Variants in ZFYVE26 observed in about 807,000 individuals in gnomAD.
The protein encoded by ZFYVE26 is zinc finger FYVE domain-containing protein 26.
ZFYVE26 carries 181 observed loss-of-function variants against 276.5 expected under a neutral mutation model. The observed-to-expected ratio is 0.65, with a 90% CI of 0.58 to 0.74. The LOEUF is 0.74. Ranked by LOEUF, ZFYVE26 falls within the 30% of genes least tolerant of loss-of-function variation. The pLI, the probability that ZFYVE26 is intolerant of heterozygous loss-of-function variation, is 0.00. For synonymous variants in ZFYVE26, 1,129 were observed against 1,203.1 expected, an observed-to-expected ratio of 0.94 and a Z score of 1.27; for missense variants, 2,821 against 3,097.9, an observed-to-expected ratio of 0.91 and a Z score of 2.12.
intron 9 of ZFYVE26, 116 bp from the exon 10 acceptor site, chr14:67,802,398 C>T (rs1284301008): frequency 2.0e-5 from 21 of 1,035,428 alleles, no homozygotes; most frequent in Admixed American, 3.9e-5. Context: ...GGTTCTTACC[C>T]TCTCTCCTTT....
At chr14:67,735,336 T>C in intron 13 of ZFYVE26, 1 of 776,080 alleles carries the variant, frequency 1.3e-6, no homozygotes, top group East Asian at 2.4e-5. Flanking sequence ...AAAAGGACCA[T>C]CTAGTCTGCT....
At chr14:67,745,440 C>G (rs554567049), downstream of ZFYVE26, among the ~76,000 whole-genome samples, 1 of 151,740 alleles carries the variant, frequency 6.6e-6, no homozygotes, top group African/African-American at 2.4e-5. Context: ...TCTCTAGTAA[C>G]GAACTATAGA....
intron 11 of ZFYVE26, 82 bp downstream of exon 11, chr14:67,797,932 T>C (rs574513044): frequency 1.7e-5 from 28 of 1,607,466 alleles, no homozygotes; most frequent in Middle Eastern, 1.8e-4. Flanking sequence ...GTGACTCCTA[T>C]GTACTCCTAG....
intron 10 of ZFYVE26, chr14:67,799,086 A>ACT: frequency 8.3e-7 from 1 of 1,211,668 alleles, no homozygotes; most frequent in South Asian, 1.2e-5. Context: ...GTGGACGAGG[A>ACT]CTCTCCAGTG....
chr14:67,759,354 C>T (rs1374157721), intron 35 of ZFYVE26, among the ~76,000 whole-genome samples: 2 of 151,282 alleles, frequency 1.3e-5, no homozygotes, highest in African/African-American at 2.4e-5. Flanking sequence ...TGGCCAGGCG[C>T]GGTGGCTCAC....
chr14:67,786,018 A>T lies in ZFYVE26; in HGVS notation c.3144T>A (p.Ser1048Arg), dbSNP rs1466124920. The T allele has an allele frequency of 6.2e-7, 1 of 1,613,836 alleles. No individual in the cohort carries two copies. The highest frequency in any genetic ancestry group is 8.5e-7 in the Non-Finnish European group (1 of 1,179,988). ...GAGGGCCTCCTCCCTTTTCTTCCACACTCTCTATGGAAAGCAAATGAGAAA... is the reference window on the plus strand; with the variant it reads ...GAGGGCCTCCTCCCTTTTCTTCCACTCTCTCTATGGAAAGCAAATGAGAAA... ...LMSASQTKSE[S>R]VEEKGGGPPR... Residue 1048 changes from serine to arginine, a missense_variant, in exon 18 of 42, where the codon AGT becomes AGA. By Grantham distance (110) the Ser-to-Arg change is moderately radical. Transcript: ENST00000347230.
chr14:67,792,730 C>A (rs868668341), intron 14 of ZFYVE26, among the ~76,000 whole-genome samples: 4 of 147,678 alleles, frequency 2.7e-5, no homozygotes, highest in African/African-American at 1.0e-4. Flanking sequence ...TGACAAACAT[C>A]GCAAAACCTC....
chr14:67,811,829 G>T (rs946361580), intron 3 of ZFYVE26, among the ~76,000 whole-genome samples: 2 of 147,098 alleles, frequency 1.4e-5, no homozygotes, highest in Non-Finnish European at 3.0e-5. Flanking sequence ...GGTGTATTTA[G>T]TTACATATGA....
At chr14:67,765,184 T>C (rs2039025230) in intron 32 of ZFYVE26, among the ~76,000 whole-genome samples, 1 of 152,212 alleles carries the variant, frequency 6.6e-6, no homozygotes, top group Admixed American at 6.5e-5. Flanking sequence ...GGAATCAGAT[T>C]AGTTCCTTTT....
chr14:67,764,082 T>C (rs1290664006), intron 32 of ZFYVE26, among the ~76,000 whole-genome samples: 1 of 152,160 alleles, frequency 6.6e-6, no homozygotes, highest in East Asian at 1.9e-4. Flanking sequence ...TAGGGCTGCC[T>C]TCTGTGATCT....
chr14:67,789,203 G>A, intron 16 of ZFYVE26, 132 bp downstream of exon 16: 1 of 1,261,148 alleles, frequency 7.9e-7, no homozygotes, highest in Middle Eastern at 2.6e-4. Context: ...CAGATTGTAT[G>A]TGACAAAATT....
At chr14:67,769,839 C>T (rs1290905028) in intron 28 of ZFYVE26, 109 bp from the exon 29 acceptor site, 3 of 1,455,384 alleles carry the variant, frequency 2.1e-6, no homozygotes, top group South Asian at 1.2e-5. Flanking sequence ...TTTCTAAGAA[C>T]ACCAACTGCT....
At chr14:67,781,941 A>G (rs1191972323) in intron 21 of ZFYVE26, among the ~76,000 whole-genome samples, 1 of 152,180 alleles carries the variant, frequency 6.6e-6, no homozygotes, top group Non-Finnish European at 1.5e-5. Context: ...TAACCACTTG[A>G]AAGTTATTCC....
intron 17 of ZFYVE26, 29 bp from the exon 18 acceptor site, chr14:67,786,051 T>C (rs1036764636): frequency 5.6e-6 from 9 of 1,613,976 alleles, no homozygotes; most frequent in Non-Finnish European, 6.8e-6. Flanking sequence ...AAAGAAAAAG[T>C]AAAGTCTGTT....
chr14:67,784,410 G>A lies in ZFYVE26; in HGVS notation c.3550C>T (p.Pro1184Ser). The A allele has an allele frequency of 6.2e-7, 1 of 1,614,086 alleles. No individual in the cohort carries two copies. The highest frequency in any genetic ancestry group is 8.5e-7 in the Non-Finnish European group (1 of 1,179,984). ...GAGCTCTGTTGCAGCAGAACAAAGG[G>A]ATTTCCTACCTTGACCTCCACATGA... ...PDHVEVKVGN[P>S]FVLLQQSSSQ... The change falls in exon 20 of 42, where the codon CCC becomes TCC. Residue 1184 changes from proline to serine, a missense_variant. Coordinates refer to ENST00000347230, the MANE Select transcript of ZFYVE26 (RefSeq NM_015346.4).
At chr14:67,806,769 T>C in intron 5 of ZFYVE26, 94 bp from the exon 6 acceptor site, 1 of 1,519,184 alleles carries the variant, frequency 6.6e-7, no homozygotes, top group Non-Finnish European at 9.1e-7. Flanking sequence ...GAGAGTTTGC[T>C]CTTTTAAAAA....
intron 21 of ZFYVE26, among the ~76,000 whole-genome samples, chr14:67,781,885 C>T (rs2039509806): frequency 6.6e-6 from 1 of 152,218 alleles, no homozygotes; most frequent in Non-Finnish European, 1.5e-5. Flanking sequence ...CTCACCTTGT[C>T]AGTGAAACTT....
In ZFYVE26 at chr14:67,738,334, T is replaced by A. The variant is rs1480730358; in HGVS notation, n.2680-8515A>T. On this transcript the variant is annotated intron_variant and non_coding_transcript_variant, in intron 13 of 14. Coordinates refer to the ZFYVE26 transcript ENST00000394455. ...ATCTGACATGATTATATAATAATTA[T>A]ATACTAATATACTTATATATACTAA... 2.8e-4 allele frequency among the ~76,000 whole-genome samples: 42 copies of A among 147,854 alleles called. 1 individual carries two copies. Among genetic ancestry groups the A allele is most frequent in the Admixed American group, 2.8e-3 (42 of 14,810 alleles).
chr14:67,760,840 G>C (rs189190131), intron 35 of ZFYVE26: 23 of 192,872 alleles, frequency 1.2e-4, no homozygotes, highest in Non-Finnish European at 1.6e-4. Context: ...GTGGGAGGGG[G>C]GCAGAGGATG....
Sources: gnomAD v4.1 joint callset for allele counts (sites outside exome capture counted in the v4.1 genomes callset) on GRCh38, gnomAD v4.1.1 for gene constraint, MANE v1.5 for transcripts, NCBI Gene and HGNC (gene_info 2026-07-23, HGNC 2026-07-21) for gene names.